SESN2: variants seen among roughly 807,000 people sequenced by gnomAD.
The protein encoded by SESN2 is sestrin 2.
In SESN2, 42 loss-of-function variants were observed where a neutral mutation model predicts 56.0. The ratio of observed to expected loss-of-function variants is 0.75; its 90% CI spans 0.59 to 0.97. The LOEUF (loss-of-function observed/expected upper bound fraction) is 0.97. SESN2 is among the 50% of genes least tolerant of loss of function. The probability of loss-of-function intolerance (pLI) is 0.00; values close to 1 mark genes in which losing one functional copy is unlikely to be tolerated. For missense variants in SESN2, 507 were observed against 649.4 expected (o/e 0.78, Z 2.38); for synonymous variants, 264 against 267.1 (o/e 0.99, Z 0.11).
In SESN2 at chr1:28,281,854, TGA is replaced by T. The variant is rs954123023; in HGVS notation, c.*1056_*1057del. 1.3e-5 allele frequency: 2 copies of T among 152,260 alleles called. No individual in the cohort carries two copies. The highest frequency in any genetic ancestry group is 2.9e-5 in the Non-Finnish European group (2 of 68,090). 9.4% of individuals were successfully genotyped at this position (152,260 alleles called of 1,614,324 possible). On this transcript the variant is annotated 3_prime_UTR_variant, in exon 10 of 10. Transcript: ENST00000253063. ...ACCTCTGACTGCCACAGCTGCAGAC[TGA>T]GAGGGTGGGTCTGAGTCCCCACAAT...
chr1:28,272,658 C>T lies in SESN2; in HGVS notation c.615C>T (p.His205=), dbSNP rs1197181936. 1 of 1,614,174 alleles carries T rather than the reference C, an allele frequency of 6.2e-7. No individual in the cohort carries two copies. Among genetic ancestry groups the T allele is most frequent in the Non-Finnish European group, 8.5e-7 (1 of 1,180,022 alleles). ...CTCTGGTCCTGCTCACCCACTGCCA[C>T]TCGCTCTCCTCCTTCGTGTTTGGCT... ...IQALVLLTHC[H]SLSSFVFGCG... is the part of the protein sequence containing the mutation. Residue 205 remains histidine, a synonymous_variant, in exon 5 of 10, where the codon CAC becomes CAT. Transcript: ENST00000253063.
intron 1 of SESN2, among the ~76,000 whole-genome samples, chr1:28,260,282 G>A (rs1318767609): frequency 6.6e-6 from 1 of 152,072 alleles, no homozygotes; most frequent in Non-Finnish European, 1.5e-5. Context: ...GGGCTCCTGA[G>A]CGTCTTCAAG....
intron 8 of SESN2, among the ~76,000 whole-genome samples, chr1:28,278,309 C>T (rs558714584): frequency 1.3e-5 from 2 of 152,288 alleles, no homozygotes; most frequent in South Asian, 4.1e-4. Context: ...TGGCTCACGC[C>T]TGTAATCCCA....
In SESN2 at chr1:28,280,779, G is replaced by A. The variant is rs1648212820; in HGVS notation, c.1420G>A (p.Ala474Thr). 6.2e-7 allele frequency: 1 copy of A among 1,613,540 alleles called. No individual in the cohort carries two copies. The highest frequency in any genetic ancestry group is 1.3e-5 in the African/African-American group (1 of 75,036). ...AGCCGCTCTGCTGTACGCCCTCCGT[G>A]CCATCACCCGCTACATGACCTGACT... is the stretch of plus-strand genomic sequence containing the variant. The part of the protein sequence containing the change: ...MQAALLYALR[A>T]ITRYMT Residue 474 changes from alanine (A) to threonine (T), a missense_variant, in exon 10 of 10, where the codon GCC becomes ACC. Physicochemically the swap from Ala to Thr is moderately conservative, Grantham distance 58. Coordinates refer to ENST00000253063, the MANE Select transcript of SESN2 (RefSeq NM_031459.5).
chr1:28,268,132 G>A (rs766856108), intron 1 of SESN2, among the ~76,000 whole-genome samples: 29 of 152,186 alleles, frequency 1.9e-4, no homozygotes, highest in Non-Finnish European at 2.9e-4. Context: ...AGTTAATGTG[G>A]CTACTGGGTA....
At chr1:28,279,907 G>A (rs757441068) in intron 9 of SESN2, among the ~76,000 whole-genome samples, 7 of 151,934 alleles carry the variant, frequency 4.6e-5, no homozygotes, top group East Asian at 1.9e-4. Context: ...AGGCTGGAGC[G>A]CAGCGGTGTG....
chr1:28,260,180 C>G (rs966921716), intron 1 of SESN2, among the ~76,000 whole-genome samples: 1 of 150,368 alleles, frequency 6.7e-6, no homozygotes, highest in Non-Finnish European at 1.5e-5. Context: ...CCCTCTCCCT[C>G]ACCGCCCCAC....
intron 8 of SESN2, among the ~76,000 whole-genome samples, chr1:28,276,568 T>G (rs1397077144): frequency 1.4e-5 from 2 of 146,026 alleles, no homozygotes; most frequent in African/African-American, 5.1e-5. Flanking sequence ...TCTTTTTCTT[T>G]CCTTTTTTTT....
intron 1 of SESN2, among the ~76,000 whole-genome samples, chr1:28,263,713 CA>C (rs1647461152): frequency 6.6e-6 from 1 of 152,000 alleles, no homozygotes; most frequent in African/African-American, 2.4e-5. Flanking sequence ...GGCTGCTTCC[CA>C]AAGCTGTTAT....
At chr1:28,276,273 GT>G (rs1232446745) in intron 8 of SESN2, among the ~76,000 whole-genome samples, 1 of 152,162 alleles carries the variant, frequency 6.6e-6, no homozygotes, top group African/African-American at 2.4e-5. Flanking sequence ...GAGGCCAGGA[GT>G]TTGTGCCTCA....
At chr1:28,262,948 A>G (rs1208058037) in intron 1 of SESN2, among the ~76,000 whole-genome samples, 1 of 151,968 alleles carries the variant, frequency 6.6e-6, no homozygotes, top group Non-Finnish European at 1.5e-5. Flanking sequence ...AAACAAAACA[A>G]ACTTTCTCAG....
At chr1:28,263,476 T>C (rs867571313) in intron 1 of SESN2, among the ~76,000 whole-genome samples, 10 of 152,242 alleles carry the variant, frequency 6.6e-5, no homozygotes, top group Middle Eastern at 3.4e-3. Flanking sequence ...CAGGAAAATA[T>C]CTGAATTCAG....
chr1:28,271,732 C>A lies in SESN2; in HGVS notation c.215C>A (p.Ser72Tyr). The A allele has an allele frequency of 6.2e-7, 1 of 1,614,204 alleles. No individual in the cohort carries two copies. The highest frequency in any genetic ancestry group is 1.1e-5 in the South Asian group (1 of 91,078). Residue 72 changes from serine to tyrosine, a missense_variant, in exon 3 of 10, where the codon TCC becomes TAC. By Grantham distance (144) the Ser-to-Tyr change is moderately radical. Transcript: ENST00000253063. ...CACCTGGGGCTGGAGGCACTGATGTCCTCTGGGCGAGTAGACAACCTGGCA... is the reference window on the plus strand; with the variant it reads ...CACCTGGGGCTGGAGGCACTGATGTACTCTGGGCGAGTAGACAACCTGGCA... ...EQHLGLEALMSSGRVDNLAVV... is the reference protein window; with the variant it reads ...EQHLGLEALMYSGRVDNLAVV...
chr1:28,259,813 C>G lies in SESN2; in HGVS notation c.-35C>G, dbSNP rs1218552025. The G allele has an allele frequency of 7.3e-7, 1 of 1,360,612 alleles. No individual in the cohort carries two copies. The highest frequency in any genetic ancestry group is 1.5e-5 in the African/African-American group (1 of 65,194). The allele number at this position is 1,360,612 out of a possible 1,614,324, so 84.3% of individuals were successfully genotyped here. A position where few individuals can be genotyped will look rare whatever the true frequency, so the allele number is the denominator to read the frequency against. On this transcript the variant is annotated 5_prime_UTR_variant, in exon 1 of 10. Coordinates refer to ENST00000253063, the MANE Select transcript of SESN2 (RefSeq NM_031459.5). ...CCGAAACCCACTCGGGTGCACGGGT[C>G]GTCGGCGAGCCGCGACCGGGTCCTG... is the stretch of plus-strand genomic sequence containing the variant.
chr1:28,262,498 G>C (rs565352650), intron 1 of SESN2, among the ~76,000 whole-genome samples: 1 of 151,782 alleles, frequency 6.6e-6, no homozygotes, highest in Non-Finnish European at 1.5e-5. Context: ...AGGCGTGGTG[G>C]TGTGCGCCAG....
Position 28,280,864 on chromosome 1 carries a change from C to A in SESN2, c.*62C>A. 4 of 1,323,880 alleles carry A rather than the reference C, an allele frequency of 3.0e-6. No individual in the cohort carries two copies. Among genetic ancestry groups the A allele is most frequent in the Non-Finnish European group, 4.3e-6 (4 of 922,300 alleles). 82.0% of individuals were successfully genotyped at this position (1,323,880 alleles called of 1,614,324 possible). A position where few individuals can be genotyped will look rare whatever the true frequency, so the allele number is the denominator to read the frequency against. Reference sequence around the variant, plus strand: ...CAAGGACTTCTCTGTCTGGAGACAGCCCCAGACCCTTTTGTGTCCCATGCC... The same window carrying A: ...CAAGGACTTCTCTGTCTGGAGACAGACCCAGACCCTTTTGTGTCCCATGCC... On this transcript the variant is annotated 3_prime_UTR_variant, in exon 10 of 10. Coordinates refer to ENST00000253063, the MANE Select transcript of SESN2 (RefSeq NM_031459.5).
Position 28,262,996 on chromosome 1 carries a change from C to G in SESN2, c.90+3059C>G, listed in dbSNP as rs141229997. Among the ~76,000 whole-genome samples, 235 of 152,292 alleles carry G rather than the reference C, an allele frequency of 1.5e-3. 1 individual carries two copies. Among genetic ancestry groups the G allele is most frequent in the African/African-American group, 5.4e-3 (226 of 41,558 alleles). The stretch of plus-strand genomic sequence containing the variant: ...CTTCAGGGAAGCCCTTCCTCCCCCA[C>G]TAGATAAGTCCCCTTGCACACCCTC... On this transcript the variant is annotated intron_variant, in intron 1 of 9. Transcript: ENST00000253063.
At chr1:28,269,990 C>T (rs904041748) in intron 2 of SESN2, among the ~76,000 whole-genome samples, 6 of 152,154 alleles carry the variant, frequency 3.9e-5, no homozygotes, top group African/African-American at 1.4e-4. Context: ...GTGGAGTTAC[C>T]TTCAAAACAT....
chr1:28,272,406 C>T lies in SESN2; in HGVS notation c.477C>T (p.Leu159=), dbSNP rs920302671. The T allele has an allele frequency of 6.2e-7, 1 of 1,613,478 alleles. No individual in the cohort carries two copies. The highest frequency in any genetic ancestry group is 8.5e-7 in the Non-Finnish European group (1 of 1,180,038). The part of the protein sequence containing the change: ...LHRAPEKLRK[L]SEINKLLAHR... ...GGGCCCCCGAGAAGCTGCGCAAACT[C>T]AGCGAGATCAACAAGTTGCTGGCGC... The change falls in exon 4 of 10, where the codon CTC becomes CTT. Residue 159 remains leucine, a synonymous_variant. Coordinates refer to ENST00000253063, the MANE Select transcript of SESN2 (RefSeq NM_031459.5).
Sources: gnomAD v4.1 joint callset for allele counts (sites outside exome capture counted in the v4.1 genomes callset) on GRCh38, gnomAD v4.1.1 for gene constraint, MANE v1.5 for transcripts, NCBI Gene and HGNC (gene_info 2026-07-23, HGNC 2026-07-21) for gene names.